TOMM5: variants seen among roughly 807,000 people sequenced by gnomAD.
TOMM5 encodes mitochondrial import receptor subunit TOM5 homolog.
A neutral mutation model predicts 4.8 loss-of-function variants in TOMM5; 1 was observed. The ratio of observed to expected loss-of-function variants is 0.21; its 90% confidence interval spans 0.07 to 0.99. The LOEUF (loss-of-function observed/expected upper bound fraction) is 0.99. TOMM5 is among the 50% of genes least tolerant of loss of function. The pLI, the probability that TOMM5 is intolerant of heterozygous loss-of-function variation, is 0.60. For missense variants in TOMM5, 60 were observed against 66.6 expected, an observed-to-expected ratio of 0.90 and a Z score of 0.35; for synonymous variants, 26 against 26.7, an observed-to-expected ratio of 0.97 and a Z score of 0.08.
rs1823127394 is a variant in TOMM5, at chr9:37,592,570, T to C, written c.-38A>G. On this transcript the variant is annotated 5_prime_UTR_variant, in exon 1 of 2. Transcript: ENST00000321301. ...TTAGCAGCTTCCAGCCGCCGCGCTC[T>C]GCTCTCCACGGTGGCCGCCTCGCGC... is the stretch of plus-strand genomic sequence containing the variant. The C allele has an allele frequency of 4.4e-6, 7 of 1,598,114 alleles. No individual in the cohort carries two copies. The highest frequency in any genetic ancestry group is 1.1e-5 in the South Asian group (1 of 89,650).
At chr9:37,589,928 T>C (rs988110019) in intron 1 of TOMM5, among the ~76,000 whole-genome samples, 4 of 152,312 alleles carry the variant, frequency 2.6e-5, no homozygotes, top group African/African-American at 9.6e-5. Context: ...AAAAAATCCA[T>C]GAAATGATCA....
At position 37,592,143 on chromosome 9, in the gene TOMM5, G is replaced by C. The variant is rs562649772; in HGVS notation, c.121+269C>G. On this transcript the variant is annotated intron_variant, in intron 1 of 1. Transcript: ENST00000321301. The stretch of plus-strand genomic sequence containing the variant: ...GTGCTGGGTGGGATTACAGGTGTGA[G>C]CCAACGCGCCCGGCAGCTCAAACAT... The C allele has an allele frequency of 2.1e-5, 29 of 1,370,316 alleles. No homozygotes were observed. The African/African-American group carries it at 4.0e-4, about 19-fold the overall frequency. 84.9% of individuals were successfully genotyped at this position (1,370,316 alleles called of 1,614,324 possible).
In TOMM5 at chr9:37,588,476, T is replaced by C. The variant is rs1164141061; in HGVS notation, c.*422A>G. Reference sequence around the variant, plus strand: ...TAATGATCCTGTGCTTAAATGTCATTGTGGTTGTGTGCTGATTTCCACAAA... The same window carrying C: ...TAATGATCCTGTGCTTAAATGTCATCGTGGTTGTGTGCTGATTTCCACAAA... On this transcript the variant is annotated 3_prime_UTR_variant, in exon 2 of 2. Transcript: ENST00000321301. 3.8e-5 allele frequency: 11 copies of C among 289,564 alleles called. No homozygotes were observed. The East Asian group carries it at 9.5e-4, about 25-fold the overall frequency. The allele number at this position is 289,564 out of a possible 1,614,324, so 17.9% of individuals were successfully genotyped here.
At chr9:37,590,525 T>C (rs1452752845) in intron 1 of TOMM5, among the ~76,000 whole-genome samples, 1 of 152,180 alleles carries the variant, frequency 6.6e-6, no homozygotes, top group Non-Finnish European at 1.5e-5. Flanking sequence ...GTGTTTCTTC[T>C]AGGGGGAAAG....
Position 37,592,392 on chromosome 9 carries a change from A to G in TOMM5, c.121+20T>C. On this transcript the variant is annotated intron_variant, in intron 1 of 1. Transcript: ENST00000321301. ...TGAGCTCCCCGCTGGTCTCACAGTC[A>G]CAGCCCGGGAGACACTCACTGACTC... The G allele has an allele frequency of 6.2e-7, 1 of 1,613,938 alleles. No individual in the cohort carries two copies. The highest frequency in any genetic ancestry group is 8.5e-7 in the Non-Finnish European group (1 of 1,179,926).
rs7855824 is a variant in TOMM5 at position 37,588,845 on chromosome 9, C to G, written c.*53G>C. Reference sequence around the variant, plus strand: ...GGCCTATTCACTTGCAGAGAGGAGTCGAAACTGTAACCAGGCTCTTCATAT... The same window carrying G: ...GGCCTATTCACTTGCAGAGAGGAGTGGAAACTGTAACCAGGCTCTTCATAT... On this transcript the variant is annotated 3_prime_UTR_variant, in exon 2 of 2. Transcript: ENST00000321301. 9 of 1,585,884 alleles carry G rather than the reference C, an allele frequency of 5.7e-6. No individual in the cohort carries two copies. Among genetic ancestry groups the G allele is most frequent in the Non-Finnish European group, 7.8e-6 (9 of 1,154,448 alleles).
rs1563900471 is a variant in TOMM5 at position 37,592,522 on chromosome 9, A to C, written c.11T>G (p.Ile4Ser). The C allele has an allele frequency of 2.5e-6, 4 of 1,612,796 alleles. No homozygotes were observed. Among genetic ancestry groups the C allele is most frequent in the Non-Finnish European group, 1.7e-6 (2 of 1,179,604 alleles). MFR[I>S]EGLAPKLDPE... Reference sequence around the variant, plus strand: ...GTCCAGCTTCGGCGCGAGGCCCTCAATCCGGAACATCGCGGCTCTGACTTA... The same window carrying C: ...GTCCAGCTTCGGCGCGAGGCCCTCACTCCGGAACATCGCGGCTCTGACTTA... Residue 4 changes from isoleucine (I) to serine (S), a missense_variant, in exon 1 of 2, where the codon ATT becomes AGT. Coordinates refer to ENST00000321301, the MANE Select transcript of TOMM5 (RefSeq NM_001001790.3).
chr9:37,592,218 C>T lies in TOMM5; in HGVS notation c.121+194G>A, dbSNP rs561635980. 106 of 1,521,404 alleles carry T rather than the reference C, an allele frequency of 7.0e-5. 2 individuals carry two copies. The South Asian group carries it at 1.2e-3, about 17-fold the overall frequency. The allele number at this position is 1,521,404 out of a possible 1,614,324, so 94.2% of individuals were successfully genotyped here. A position where few individuals can be genotyped will look rare whatever the true frequency, so the allele number is the denominator to read the frequency against. On this transcript the variant is annotated intron_variant, in intron 1 of 1. Transcript: ENST00000321301. ...GATTAAACACGCGCGCCGGCCACCACGTGCACTTCAGTGCCCGGACCCTGA... is the reference window on the plus strand; with the variant it reads ...GATTAAACACGCGCGCCGGCCACCATGTGCACTTCAGTGCCCGGACCCTGA...
intron 1 of TOMM5, 99 bp from the exon 2 acceptor site, chr9:37,589,031 C>T: frequency 1.9e-6 from 2 of 1,074,844 alleles, no homozygotes; most frequent in Non-Finnish European, 2.7e-6. Context: ...TTGAAAATAA[C>T]TCCAAGTGAT....
chr9:37,590,482 A>C (rs1823083406), intron 1 of TOMM5, among the ~76,000 whole-genome samples: 1 of 152,172 alleles, frequency 6.6e-6, no homozygotes, highest in South Asian at 2.1e-4. Flanking sequence ...GGCTGGAGAA[A>C]AGGGGGAAAT....
chr9:37,592,482 T>C lies in TOMM5; in HGVS notation c.51A>G (p.Lys17=). 7.4e-6 allele frequency: 12 copies of C among 1,614,056 alleles called. No individual in the cohort carries two copies. The highest frequency in any genetic ancestry group is 9.3e-6 in the Non-Finnish European group (11 of 1,180,008). The part of the protein sequence containing the change: ...LAPKLDPEEM[K]RKMREDVISS... ...AGATCACATCCTCGCGCATCTTCCG[T>C]TTCATCTCCTCCGGGTCCAGCTTCG... The change falls in exon 1 of 2, where the codon AAA becomes AAG. Residue 17 remains lysine, a synonymous_variant. Transcript: ENST00000321301.
Position 37,592,010 on chromosome 9 carries a change from T to C in TOMM5, c.121+402A>G, listed in dbSNP as rs1029079244. On this transcript the variant is annotated intron_variant, in intron 1 of 1. Coordinates refer to ENST00000321301, the MANE Select transcript of TOMM5 (RefSeq NM_001001790.3). ...TCGGCTCACTGCAACCTCCGCCTCC[T>C]GGATTCAAGCAATCCTCCCACCTTA... is the stretch of plus-strand genomic sequence containing the variant. Among the ~76,000 whole-genome samples, 11 of 152,038 alleles carry C rather than the reference T, an allele frequency of 7.2e-5. No individual in the cohort carries two copies. The South Asian group carries it at 2.3e-3, about 32-fold the overall frequency.
intron 1 of TOMM5, 28 bp from the exon 2 acceptor site, chr9:37,588,960 T>A (rs774038989): frequency 1.0e-5 from 16 of 1,586,736 alleles, no homozygotes; most frequent in Non-Finnish European, 1.3e-5. Flanking sequence ...CTAAAATTAG[T>A]TTTCAAATCT....
intron 1 of TOMM5, chr9:37,592,125 G>A (rs1823112263): frequency 8.4e-7 from 1 of 1,195,472 alleles, no homozygotes; most frequent in Non-Finnish European, 1.1e-6. Context: ...AAAGTGCTGG[G>A]TGGGATTACA....
chr9:37,589,269 G>A (rs1823063921), intron 1 of TOMM5, among the ~76,000 whole-genome samples: 1 of 152,220 alleles, frequency 6.6e-6, no homozygotes, highest in Non-Finnish European at 1.5e-5. Context: ...CAAAACTCTA[G>A]AGGAAACAAA....
chr9:37,592,578 A>G lies in TOMM5; in HGVS notation c.-46T>C, dbSNP rs781000154. 13 of 1,589,758 alleles carry G rather than the reference A, an allele frequency of 8.2e-6. No homozygotes were observed. In the East Asian group the frequency reaches 2.5e-4, roughly 30 times the overall value. On this transcript the variant is annotated 5_prime_UTR_variant, in exon 1 of 2. Coordinates refer to ENST00000321301, the MANE Select transcript of TOMM5 (RefSeq NM_001001790.3). ...TTCCAGCCGCCGCGCTCTGCTCTCC[A>G]CGGTGGCCGCCTCGCGCCCGGAACT...
At chr9:37,589,966 T>C (rs2119233961) in intron 1 of TOMM5, among the ~76,000 whole-genome samples, 1 of 152,352 alleles carries the variant, frequency 6.6e-6, no homozygotes, top group East Asian at 1.9e-4. Context: ...GATACATCCT[T>C]CCAACAGAAA....
In TOMM5 at chr9:37,592,551, G is replaced by C. The variant is rs189875687; in HGVS notation, c.-19C>G. ...GGAACATCGCGGCTCTGACTTAGCA[G>C]CTTCCAGCCGCCGCGCTCTGCTCTC... On this transcript the variant is annotated 5_prime_UTR_variant, in exon 1 of 2. Coordinates refer to ENST00000321301, the MANE Select transcript of TOMM5 (RefSeq NM_001001790.3). The C allele has an allele frequency of 3.6e-4, 572 of 1,606,828 alleles. 2 individuals carry two copies. The East Asian group carries it at 0.012, about 33-fold the overall frequency.
At chr9:37,590,949 T>G in intron 1 of TOMM5, among the ~76,000 whole-genome samples, 1 of 152,216 alleles carries the variant, frequency 6.6e-6, no homozygotes, top group East Asian at 1.9e-4. Context: ...TTCATTTATT[T>G]GAACCATCCC....
Sources: gnomAD v4.1 joint callset for allele counts (sites outside exome capture counted in the v4.1 genomes callset) on GRCh38, gnomAD v4.1.1 for gene constraint, MANE v1.5 for transcripts, NCBI Gene and HGNC (gene_info 2026-07-23, HGNC 2026-07-21) for gene names.